Variants in DENND4C observed in about 807,000 individuals in gnomAD.
The protein encoded by DENND4C is DENN domain containing 4C.
DENND4C carries 108 observed loss-of-function variants against 203.0 expected under a neutral mutation model. The ratio of observed to expected loss-of-function variants is 0.53; its 90% CI spans 0.46 to 0.62. The LOEUF is 0.62. Among genes scored for constraint, DENND4C ranks in the 20% least tolerant of loss-of-function variants. The probability of loss-of-function intolerance (pLI) is 0.00; values close to 1 mark genes in which losing one functional copy is unlikely to be tolerated. For missense variants in DENND4C, 2,481 were observed against 2,301.2 expected, an observed-to-expected ratio of 1.08 and a Z score of -1.60; for synonymous variants, 871 against 792.4, an observed-to-expected ratio of 1.10 and a Z score of -1.67.
At chr9:19,338,086 A>T (rs1820876909) in intron 20 of DENND4C, among the ~76,000 whole-genome samples, 1 of 152,188 alleles carries the variant, frequency 6.6e-6, no homozygotes, top group African/African-American at 2.4e-5. Flanking sequence ...TTGAAAGTCA[A>T]CATAAAGCTA....
At chr9:19,273,785 A>T (rs1473141831) in intron 1 of DENND4C, among the ~76,000 whole-genome samples, 1 of 152,052 alleles carries the variant, frequency 6.6e-6, no homozygotes, top group Non-Finnish European at 1.5e-5. Flanking sequence ...GTTGAAGAGG[A>T]TGTAGAACAA....
At chr9:19,271,355 A>G (rs1177082063) in intron 1 of DENND4C, among the ~76,000 whole-genome samples, 1 of 151,940 alleles carries the variant, frequency 6.6e-6, no homozygotes, top group Non-Finnish European at 1.5e-5. Flanking sequence ...GTATTCCACC[A>G]TGCCCCACTA....
intron 1 of DENND4C, among the ~76,000 whole-genome samples, chr9:19,231,365 A>G (rs1352657308): frequency 3.3e-5 from 5 of 151,898 alleles, no homozygotes; most frequent in African/African-American, 9.7e-5. Context: ...AATTGAAGAC[A>G]TTTCCTTCTC....
At chr9:19,341,432 C>T (rs2131930871) in intron 21 of DENND4C, among the ~76,000 whole-genome samples, 1 of 151,688 alleles carries the variant, frequency 6.6e-6, no homozygotes, top group South Asian at 2.1e-4. Flanking sequence ...TGCCTCAGTC[C>T]CCTGTCAGCT....
Position 19,350,477 on chromosome 9 carries a change from C to T in DENND4C, c.4318-225C>T, listed in dbSNP as rs376111734. On this transcript the variant is annotated intron_variant, in intron 23 of 32. Transcript: ENST00000434457. ...GAGACACCCAGACCTCCCACATACA[C>T]CTGAGGCACACCACGATCTTTCTTA... 1.5e-3 allele frequency among the ~76,000 whole-genome samples: 232 copies of T among 152,224 alleles called. 13 individuals carry two copies. The South Asian group carries it at 0.047, about 31-fold the overall frequency.
intron 17 of DENND4C, among the ~76,000 whole-genome samples, chr9:19,332,539 A>G (rs912217747): frequency 9.0e-5 from 8 of 89,374 alleles, no homozygotes; most frequent in Admixed American, 8.4e-4. Context: ...TTTTTTTTGT[A>G]TTTTTAATAG....
At chr9:19,294,748 A>C (rs1015992720) in intron 5 of DENND4C, among the ~76,000 whole-genome samples, 1 of 152,224 alleles carries the variant, frequency 6.6e-6, no homozygotes, top group Non-Finnish European at 1.5e-5. Context: ...AATATAGGTG[A>C]ATCTTAAAAA....
chr9:19,255,117 G>C (rs1827624493), intron 1 of DENND4C, among the ~76,000 whole-genome samples: 1 of 152,130 alleles, frequency 6.6e-6, no homozygotes, highest in African/African-American at 2.4e-5. Context: ...TTGCACTCCA[G>C]CCTGGGTGGC....
intron 2 of DENND4C, among the ~76,000 whole-genome samples, chr9:19,281,704 T>C (rs1053470991): frequency 1.6e-4 from 24 of 152,312 alleles, no homozygotes; most frequent in African/African-American, 5.3e-4. Context: ...TTCTGAGAAA[T>C]GTGTTCTATG....
chr9:19,331,865 T>C (rs575117295), intron 16 of DENND4C, 113 bp from the exon 17 acceptor site: 25 of 987,590 alleles, frequency 2.5e-5, no homozygotes, highest in Non-Finnish European at 3.5e-5. Context: ...TTTGAAGTGC[T>C]TGATTTTAGG....
Position 19,329,243 on chromosome 9 carries a change from A to G in DENND4C, c.2253+1081A>G, listed in dbSNP as rs186817549. Among the ~76,000 whole-genome samples the G allele has an allele frequency of 1.3e-3, 204 of 152,256 alleles. 1 individual carries two copies. Among genetic ancestry groups the G allele is most frequent in the African/African-American group, 4.0e-3 (165 of 41,552 alleles). On this transcript the variant is annotated intron_variant, in intron 16 of 32. Transcript: ENST00000434457. Reference sequence around the variant, plus strand: ...CCAATTCTCAATCCCCAGCAGCCCTAGGCAACCACAAGTCTGTTTTCTGTC... The same window carrying G: ...CCAATTCTCAATCCCCAGCAGCCCTGGGCAACCACAAGTCTGTTTTCTGTC...
Position 19,316,686 on chromosome 9 carries a change from C to G in DENND4C, c.1654C>G (p.Gln552Glu). The G allele has an allele frequency of 6.2e-7, 1 of 1,614,030 alleles. No individual in the cohort carries two copies. The highest frequency in any genetic ancestry group is 1.1e-5 in the South Asian group (1 of 91,074). The change falls in exon 12 of 33, where the codon CAA (glutamine) becomes GAA (glutamate). Residue 552 changes from glutamine to glutamate, a missense_variant. Transcript: ENST00000434457. The stretch of plus-strand genomic sequence containing the variant: ...TCCAATTGAAGCAGATTTCTCCTGG[C>G]AAAAGAAGATGACACAGCTTGAGAT... ...MTPIEADFSWQKKMTQLEMEI... is the reference protein window; with the variant it reads ...MTPIEADFSWEKKMTQLEMEI...
rs548728622 is a variant in DENND4C at position 19,295,929 on chromosome 9, C to T, written c.802-79C>T. ...ATAAGTGTACTCCAAGCAAATATTT[C>T]TTGTGTAATAAGAAAAAAAGAGAAG... On this transcript the variant is annotated intron_variant, in intron 5 of 32. Coordinates refer to ENST00000434457, the MANE Select transcript of DENND4C (RefSeq NM_001330640.2). 41 of 1,095,292 alleles carry T rather than the reference C, an allele frequency of 3.7e-5. No individual in the cohort carries two copies. In the African/African-American group the frequency reaches 5.5e-4, roughly 15 times the overall value. The allele number at this position is 1,095,292 out of a possible 1,614,324, so 67.8% of individuals were successfully genotyped here. A position where few individuals can be genotyped will look rare whatever the true frequency, so the allele number is the denominator to read the frequency against.
chr9:19,271,603 C>T (rs981852408), intron 1 of DENND4C, among the ~76,000 whole-genome samples: 11 of 152,094 alleles, frequency 7.2e-5, no homozygotes, highest in African/African-American at 2.2e-4. Flanking sequence ...AGGTGGCTCA[C>T]GCCTGTAATC....
chr9:19,260,901 G>C (rs78180450), intron 1 of DENND4C, among the ~76,000 whole-genome samples: 8,048 of 152,194 alleles, frequency 0.053, 348 homozygotes, highest in African/African-American at 0.12. Flanking sequence ...GACAGAGTGA[G>C]ACCCTGTCTC....
At chr9:19,232,854 A>G (rs1014305752) in intron 1 of DENND4C, among the ~76,000 whole-genome samples, 3 of 152,326 alleles carry the variant, frequency 2.0e-5, no homozygotes, top group African/African-American at 4.8e-5. Context: ...TACATTATAA[A>G]TAATAACTCA....
chr9:19,363,073 G>T (rs1826835079), intron 30 of DENND4C, among the ~76,000 whole-genome samples: 1 of 152,178 alleles, frequency 6.6e-6, no homozygotes, highest in Non-Finnish European at 1.5e-5. Flanking sequence ...GGATCAGCAG[G>T]TTTGGTTTCT....
chr9:19,297,679 G>T (rs748079986), intron 6 of DENND4C, among the ~76,000 whole-genome samples: 1 of 152,136 alleles, frequency 6.6e-6, no homozygotes. Context: ...AGTGTTAGAG[G>T]AGTAAATCTG....
chr9:19,268,231 C>T (rs1830908108), intron 1 of DENND4C, among the ~76,000 whole-genome samples: 2 of 151,956 alleles, frequency 1.3e-5, no homozygotes, highest in Non-Finnish European at 2.9e-5. Context: ...TCCTGAGTAG[C>T]TGGGACCCCA....
Sources: gnomAD v4.1 joint callset for allele counts (sites outside exome capture counted in the v4.1 genomes callset) on GRCh38, gnomAD v4.1.1 for gene constraint, MANE v1.5 for transcripts, NCBI Gene and HGNC (gene_info 2026-07-23, HGNC 2026-07-21) for gene names.